BCL2: variants seen among roughly 807,000 people sequenced by gnomAD.
The protein encoded by BCL2 is apoptosis regulator Bcl-2.
BCL2 carries 1 observed loss-of-function variant against 14.2 expected under a neutral mutation model. The ratio of observed to expected loss-of-function variants is 0.07; its 90% CI spans 0.02 to 0.33. BCL2 has a LOEUF of 0.33. Ranked by LOEUF, BCL2 falls within the 10% of genes least tolerant of loss-of-function variation. The probability of loss-of-function intolerance (pLI) is 0.99; values close to 1 mark genes in which losing one functional copy is unlikely to be tolerated. For synonymous variants in BCL2, 151 were observed against 137.2 expected, an observed-to-expected ratio of 1.10 and a Z score of -0.70; for missense variants, 247 against 305.9, an observed-to-expected ratio of 0.81 and a Z score of 1.44.
chr18:63,314,541 G>A (rs1913435597), intron 2 of BCL2: 1 of 152,166 alleles, frequency 6.6e-6, no homozygotes. Context: ...ACAATCTCTT[G>A]TCTGAATCAT....
intron 2 of BCL2, among the ~76,000 whole-genome samples, chr18:63,270,091 T>C (rs185208254): frequency 6.6e-6 from 1 of 152,356 alleles, no homozygotes; most frequent in East Asian, 1.9e-4. Context: ...GATCATTATT[T>C]CACCTACTAT....
chr18:63,175,142 C>T (rs1219631158), intron 2 of BCL2, among the ~76,000 whole-genome samples: 1 of 152,170 alleles, frequency 6.6e-6, no homozygotes, highest in African/African-American at 2.4e-5. Flanking sequence ...TTCCCTGGAA[C>T]TTTGGGCAAC....
At chr18:63,213,547 A>AACACAC (rs57058660) in intron 2 of BCL2, among the ~76,000 whole-genome samples, 18,990 of 146,206 alleles carry the variant, frequency 0.13, 1,509 homozygotes, top group Non-Finnish European at 0.19. Context: ...CACACACATA[A>AACACAC]ACACACACAC....
At chr18:63,181,366 G>A (rs56101626) in intron 2 of BCL2, among the ~76,000 whole-genome samples, 5,231 of 152,286 alleles carry the variant, frequency 0.034, 153 homozygotes, top group Middle Eastern at 0.085. Context: ...AGCCCTGGAA[G>A]GCAGTAAAGC....
chr18:63,295,818 A>G (rs965888114), intron 2 of BCL2, among the ~76,000 whole-genome samples: 7 of 152,106 alleles, frequency 4.6e-5, no homozygotes, highest in Non-Finnish European at 8.8e-5. Context: ...GGTCCAGGGT[A>G]CCTGCCTTGT....
At chr18:63,199,689 G>A (rs950636745) in intron 2 of BCL2, among the ~76,000 whole-genome samples, 3 of 151,454 alleles carry the variant, frequency 2.0e-5, no homozygotes, top group Non-Finnish European at 4.4e-5. Context: ...GTACAGACAC[G>A]CAGACACACT....
intron 2 of BCL2, among the ~76,000 whole-genome samples, chr18:63,206,872 C>T (rs1164348579): frequency 6.6e-6 from 1 of 151,900 alleles, no homozygotes; most frequent in Admixed American, 6.6e-5. Flanking sequence ...AAGGAAGAGG[C>T]CGGTCAGAGG....
chr18:63,131,453 T>G (rs1914068053), intron 2 of BCL2, among the ~76,000 whole-genome samples: 1 of 152,244 alleles, frequency 6.6e-6, no homozygotes, highest in Non-Finnish European at 1.5e-5. Context: ...TCTGCCAAGA[T>G]GCACACCCCT....
At chr18:63,173,026 C>A (rs1915263616) in intron 2 of BCL2, among the ~76,000 whole-genome samples, 1 of 152,222 alleles carries the variant, frequency 6.6e-6, no homozygotes, top group African/African-American at 2.4e-5. Flanking sequence ...AAAAAGACAT[C>A]ATATTGTTTA....
At chr18:63,157,661 A>C (rs1437978382) in intron 2 of BCL2, among the ~76,000 whole-genome samples, 1 of 152,224 alleles carries the variant, frequency 6.6e-6, no homozygotes, top group African/African-American at 2.4e-5. Flanking sequence ...TCAAAATACC[A>C]TGAAGAGAAC....
intron 2 of BCL2, among the ~76,000 whole-genome samples, chr18:63,177,434 G>T (rs1277068561): frequency 2.0e-5 from 3 of 152,162 alleles, no homozygotes; most frequent in Non-Finnish European, 4.4e-5. Flanking sequence ...CTGATGCTGG[G>T]GCAGGTTCCC....
intron 2 of BCL2, among the ~76,000 whole-genome samples, chr18:63,194,713 A>G (rs1442159489): frequency 6.6e-6 from 1 of 152,254 alleles, no homozygotes; most frequent in East Asian, 1.9e-4. Flanking sequence ...AATTAAGTAT[A>G]AAAACCATCT....
chr18:63,257,152 T>TA lies in BCL2; in HGVS notation c.585+60929dup, dbSNP rs35832711. 2.3e-3 allele frequency among the ~76,000 whole-genome samples: 346 copies of TA among 152,190 alleles called. 3 individuals are homozygous for TA. Among genetic ancestry groups the TA allele is most frequent in the African/African-American group, 7.6e-3 (314 of 41,508 alleles). ...AAGTTAGCATCTCTGTATTGGTCTT[T>TA]AAAAAAAAGAAATGAAAAGCATTGA... On this transcript the variant is annotated intron_variant, in intron 2 of 2. Transcript: ENST00000333681.
At chr18:63,171,938 A>AC (rs1351681864) in intron 2 of BCL2, among the ~76,000 whole-genome samples, 1 of 152,248 alleles carries the variant, frequency 6.6e-6, no homozygotes, top group Non-Finnish European at 1.5e-5. Flanking sequence ...CTATGATCAC[A>AC]CCACTGCACT....
intron 2 of BCL2, among the ~76,000 whole-genome samples, chr18:63,263,775 C>T (rs1276886434): frequency 2.0e-5 from 3 of 152,220 alleles, no homozygotes; most frequent in Admixed American, 2.0e-4. Context: ...TCCTCTTCAA[C>T]TCAGTATCCT....
rs190508185 is a variant in BCL2 at position 63,279,066 on chromosome 18, A to C, written c.585+39016T>G. On this transcript the variant is annotated intron_variant, in intron 2 of 2. Coordinates refer to ENST00000333681, the MANE Select transcript of BCL2 (RefSeq NM_000633.3). Reference sequence around the variant, plus strand: ...ATTCCAGGTGCATTATGTAGATATAAATATAAAAGACAAATGATACAACTT... The same window carrying C: ...ATTCCAGGTGCATTATGTAGATATACATATAAAAGACAAATGATACAACTT... 5.9e-5 allele frequency among the ~76,000 whole-genome samples: 9 copies of C among 152,352 alleles called. No individual in the cohort carries two copies. In the East Asian group the frequency reaches 1.7e-3, roughly 29 times the overall value.
intron 2 of BCL2, among the ~76,000 whole-genome samples, chr18:63,262,729 A>G (rs1010855336): frequency 2.6e-5 from 4 of 152,198 alleles, no homozygotes; most frequent in African/African-American, 9.6e-5. Flanking sequence ...CCCAAAGTAA[A>G]ATTCCAGGCT....
intron 2 of BCL2, among the ~76,000 whole-genome samples, chr18:63,212,847 G>A (rs1910081372): frequency 6.6e-6 from 1 of 151,354 alleles, no homozygotes; most frequent in Non-Finnish European, 1.5e-5. Flanking sequence ...CTGCACTCCA[G>A]CCTGGGCAAC....
rs557000269 is a variant in BCL2 at position 63,318,063 on chromosome 18, C to A, written c.585+19G>T. 7 of 1,612,916 alleles carry A rather than the reference C, an allele frequency of 4.3e-6. No homozygotes were observed. Among genetic ancestry groups the A allele is most frequent in the Non-Finnish European group, 5.9e-6 (7 of 1,179,468 alleles). On this transcript the variant is annotated intron_variant, in intron 2 of 2. Transcript: ENST00000333681. This position sits in a 1 kb window ranked among gnomAD's most constrained non-coding sequence, Gnocchi z 7.4. ...GACCTGTGGCCTCAGCCCAGACTCA[C>A]ATCACCAAGTGCACCTACCCAGCCT...
Sources: gnomAD v4.1 joint callset for allele counts (sites outside exome capture counted in the v4.1 genomes callset) on GRCh38, gnomAD v4.1.1 for gene constraint, Gnocchi (gnomAD v3.1) non-coding constraint, MANE v1.5 for transcripts, NCBI Gene and HGNC (gene_info 2026-07-23, HGNC 2026-07-21) for gene names.